RBFOX1: variants seen among roughly 807,000 people sequenced by gnomAD.
RBFOX1 encodes RNA binding fox-1 homolog 1.
In RBFOX1, 8 loss-of-function variants were observed where a neutral mutation model predicts 57.7. That is an observed-to-expected ratio of 0.14 (90% CI 0.08 to 0.25). RBFOX1 has a LOEUF of 0.25. Among genes scored for constraint, RBFOX1 ranks in the 10% least tolerant of loss-of-function variants. The probability of loss-of-function intolerance (pLI) is 1.00; values close to 1 mark genes in which losing one functional copy is unlikely to be tolerated. For missense variants in RBFOX1, 611 were observed against 548.5 expected, an observed-to-expected ratio of 1.11 and a Z score of -1.14; for synonymous variants, 326 against 222.4, an observed-to-expected ratio of 1.47 and a Z score of -4.15.
At chr16:6,987,961 C>G (rs1755680937) in intron 3 of RBFOX1, among the ~76,000 whole-genome samples, 1 of 151,894 alleles carries the variant, frequency 6.6e-6, no homozygotes, top group Non-Finnish European at 1.5e-5. Context: ...TAAGTGCCAG[C>G]TAGGCAGTCT....
In RBFOX1 at chr16:6,988,060, A is replaced by G. The variant is rs1746773186; in HGVS notation, c.-15-63997A>G. Among the ~76,000 whole-genome samples the G allele has an allele frequency of 2.0e-5, 3 of 152,314 alleles. No individual in the cohort carries two copies. The South Asian group carries it at 6.2e-4, about 32-fold the overall frequency. ...ATGGAAATGCTATTAGTTACCCCACATTCCACAGCCAGTAAATGGTAAAAC... is the reference window on the plus strand; with the variant it reads ...ATGGAAATGCTATTAGTTACCCCACGTTCCACAGCCAGTAAATGGTAAAAC... On this transcript the variant is annotated intron_variant, in intron 3 of 15. Transcript: ENST00000550418.
chr16:7,129,363 C>T (rs1403578863), intron 4 of RBFOX1, among the ~76,000 whole-genome samples: 1 of 152,092 alleles, frequency 6.6e-6, no homozygotes. Context: ...TCAGCCCTAC[C>T]TAAACCATGG....
At chr16:7,611,231 G>C (rs1195050899) in intron 10 of RBFOX1, among the ~76,000 whole-genome samples, 1 of 152,078 alleles carries the variant, frequency 6.6e-6, no homozygotes, top group Non-Finnish European at 1.5e-5. Context: ...CTCTCCTAAA[G>C]GTAATTTTCT....
chr16:5,434,599 A>G (rs1299697589), intron 1 of RBFOX1, among the ~76,000 whole-genome samples: 1 of 152,092 alleles, frequency 6.6e-6, no homozygotes, highest in East Asian at 1.9e-4. Context: ...GATTACAGGC[A>G]AGAGCCACCA....
intron 4 of RBFOX1, among the ~76,000 whole-genome samples, chr16:5,954,962 C>G (rs576354879): frequency 2.2e-3 from 337 of 151,556 alleles, no homozygotes; most frequent in African/African-American, 7.9e-3. Context: ...GGAGCAAATA[C>G]TTGATGAGGC....
intron 6 of RBFOX1, among the ~76,000 whole-genome samples, chr16:7,585,085 G>A (rs2094027139): frequency 6.6e-6 from 1 of 152,286 alleles, no homozygotes; most frequent in South Asian, 2.1e-4. Context: ...TCCTTTTCAA[G>A]CTTCTCTTTC....
intron 2 of RBFOX1, 33 bp from the exon 3 acceptor site, chr16:6,654,570 C>G: frequency 2.0e-6 from 3 of 1,484,386 alleles, no homozygotes; most frequent in Non-Finnish European, 2.7e-6. Context: ...CCTGTTCTTT[C>G]TCTCACTTTC....
intron 4 of RBFOX1, among the ~76,000 whole-genome samples, chr16:7,234,390 C>T (rs1443123226): frequency 6.6e-6 from 1 of 152,010 alleles, no homozygotes; most frequent in East Asian, 1.9e-4. Flanking sequence ...AGCAAAACCA[C>T]AAAGTGGGAA....
chr16:5,864,220 C>G (rs781705118), intron 3 of RBFOX1, among the ~76,000 whole-genome samples: 1 of 152,158 alleles, frequency 6.6e-6, no homozygotes, highest in Non-Finnish European at 1.5e-5. Context: ...GATGTCCCTG[C>G]GAAGTCCATG....
chr16:5,570,685 CA>C (rs1395219405), intron 2 of RBFOX1, among the ~76,000 whole-genome samples: 1 of 151,952 alleles, frequency 6.6e-6, no homozygotes, highest in Admixed American at 6.6e-5. Flanking sequence ...ACTAAAAGTA[CA>C]AAAATTAGCT....
upstream of RBFOX1, among the ~76,000 whole-genome samples, chr16:6,018,756 T>G (rs1402548616): frequency 6.6e-6 from 1 of 152,174 alleles, no homozygotes; most frequent in Non-Finnish European, 1.5e-5. Context: ...GGGATTTGTC[T>G]ACTTTGATTG....
At chr16:5,335,729 G>C (rs2064879162) in intron 1 of RBFOX1, among the ~76,000 whole-genome samples, 1 of 152,192 alleles carries the variant, frequency 6.6e-6, no homozygotes, top group Admixed American at 6.5e-5. Context: ...TGAGGGCAGA[G>C]ACTGCGTTTG....
intron 3 of RBFOX1, among the ~76,000 whole-genome samples, chr16:6,772,679 TTG>T (rs2078522240): frequency 8.1e-6 from 1 of 123,674 alleles, no homozygotes; most frequent in East Asian, 2.5e-4. Context: ...TTGAGTGCAT[TTG>T]TGTGTGTATA....
At chr16:6,786,932 C>T (rs113532718) in intron 3 of RBFOX1, among the ~76,000 whole-genome samples, 47 of 152,042 alleles carry the variant, frequency 3.1e-4, no homozygotes, top group African/African-American at 9.4e-4. Flanking sequence ...CTTATTGACT[C>T]TTAGGGACCT....
intron 1 of RBFOX1, among the ~76,000 whole-genome samples, chr16:5,380,607 G>C (rs139837458): frequency 6.6e-6 from 1 of 152,190 alleles, no homozygotes; most frequent in African/African-American, 2.4e-5. Context: ...ACTGTGTGCA[G>C]GCTCAGAGCT....
At chr16:7,570,041 A>G (rs2152762098) in intron 5 of RBFOX1, among the ~76,000 whole-genome samples, 1 of 152,338 alleles carries the variant, frequency 6.6e-6, no homozygotes, top group South Asian at 2.1e-4. Context: ...GGAGATGTGT[A>G]AAATACAAGA....
intron 1 of RBFOX1, among the ~76,000 whole-genome samples, chr16:5,380,459 T>C (rs527555486): frequency 1.3e-5 from 2 of 152,328 alleles, no homozygotes; most frequent in South Asian, 4.1e-4. Context: ...ATCGTCTTTA[T>C]ACTAAATGTG....
chr16:7,685,286 C>A (rs563657957), intron 14 of RBFOX1, among the ~76,000 whole-genome samples: 1 of 152,260 alleles, frequency 6.6e-6, no homozygotes, highest in South Asian at 2.1e-4. Context: ...ACTTTTATTA[C>A]CATTGCCTCT....
At chr16:5,662,932 C>T (rs368736579) in intron 3 of RBFOX1, among the ~76,000 whole-genome samples, 5 of 152,212 alleles carry the variant, frequency 3.3e-5, no homozygotes, top group African/African-American at 9.7e-5. Context: ...TAGTGCTTAA[C>T]ACATAGTAGA....
Sources: allele counts gnomAD v4.1 joint callset (sites outside exome capture counted in the v4.1 genomes callset), GRCh38; gene constraint gnomAD v4.1.1; transcripts MANE v1.5; gene names NCBI Gene and HGNC (gene_info 2026-07-23, HGNC 2026-07-21).